CTNNA2: variants seen among roughly 807,000 people sequenced by gnomAD.
The protein encoded by CTNNA2 is catenin alpha-2.
CTNNA2 carries 42 observed loss-of-function variants against 101.0 expected under a neutral mutation model. That is an observed-to-expected ratio of 0.42 (90% confidence interval 0.32 to 0.54). The LOEUF (loss-of-function observed/expected upper bound fraction) is 0.54, where lower values mean the gene tolerates loss of function less well. CTNNA2 is among the 20% of genes least tolerant of loss of function. The pLI is 0.14. For synonymous variants in CTNNA2, 450 were observed against 456.4 expected, an observed-to-expected ratio of 0.99 and a Z score of 0.18; for missense variants, 871 against 1,223.1, an observed-to-expected ratio of 0.71 and a Z score of 4.29.
At chr2:79,192,832 C>T (rs1673892972) in intron 1 of CTNNA2, among the ~76,000 whole-genome samples, 1 of 151,694 alleles carries the variant, frequency 6.6e-6, no homozygotes, top group Non-Finnish European at 1.5e-5. Flanking sequence ...TTTCAATTTT[C>T]AAAAGAGTAT....
chr2:79,541,784 G>T (rs1016162308), intron 1 of CTNNA2, among the ~76,000 whole-genome samples: 4 of 151,748 alleles, frequency 2.6e-5, no homozygotes, highest in Non-Finnish European at 5.9e-5. Flanking sequence ...GCGCCACCAC[G>T]CCCAACTAAT....
intron 7 of CTNNA2, among the ~76,000 whole-genome samples, chr2:80,157,911 C>G (rs1704081458): frequency 6.6e-6 from 1 of 152,118 alleles, no homozygotes; most frequent in African/African-American, 2.4e-5. Context: ...AGCATACAGA[C>G]TGGCAGGAAA....
intron 7 of CTNNA2, among the ~76,000 whole-genome samples, chr2:80,272,562 C>T (rs998269142): frequency 6.6e-6 from 1 of 152,160 alleles, no homozygotes; most frequent in Non-Finnish European, 1.5e-5. Flanking sequence ...ACAGGGAAAA[C>T]TACATTCTCT....
At chr2:79,352,012 A>C (rs1193764139) in intron 3 of CTNNA2, among the ~76,000 whole-genome samples, 1 of 152,228 alleles carries the variant, frequency 6.6e-6, no homozygotes, top group Admixed American at 6.5e-5. Context: ...TGCTTCCCAC[A>C]GTGGCTGAAC....
intron 3 of CTNNA2, among the ~76,000 whole-genome samples, chr2:79,342,992 T>C (rs993220434): frequency 6.6e-6 from 1 of 152,238 alleles, no homozygotes; most frequent in African/African-American, 2.4e-5. Flanking sequence ...TTTGGCAAGA[T>C]GTATCTTAAA....
intron 9 of CTNNA2, among the ~76,000 whole-genome samples, chr2:80,430,154 A>G (rs1311982790): frequency 6.6e-6 from 1 of 152,206 alleles, no homozygotes. Flanking sequence ...TTAGATAAAA[A>G]CTAACCATAC....
At chr2:79,928,038 C>T (rs1421953488) in intron 7 of CTNNA2, among the ~76,000 whole-genome samples, 1 of 152,106 alleles carries the variant, frequency 6.6e-6, no homozygotes, top group Admixed American at 6.5e-5. Flanking sequence ...ATAGAAGATA[C>T]TCATGTTTAC....
At chr2:79,513,521 C>T (rs183143875) in intron 1 of CTNNA2, among the ~76,000 whole-genome samples, 3 of 152,244 alleles carry the variant, frequency 2.0e-5, no homozygotes, top group Admixed American at 2.0e-4. Flanking sequence ...TACCTCTTCC[C>T]CGGTGGGAGG....
chr2:80,271,859 A>G (rs532648645), intron 7 of CTNNA2, among the ~76,000 whole-genome samples: 1 of 152,364 alleles, frequency 6.6e-6, no homozygotes, highest in East Asian at 1.9e-4. Flanking sequence ...TATAAGGATC[A>G]TATTAAAACA....
chr2:80,350,012 A>G (rs750886540), intron 7 of CTNNA2, among the ~76,000 whole-genome samples: 10 of 152,340 alleles, frequency 6.6e-5, no homozygotes, highest in Non-Finnish European at 1.3e-4. Flanking sequence ...AACAGCAACA[A>G]TAAATTCTAG....
chr2:80,578,009 T>C (rs1695207075), intron 13 of CTNNA2, among the ~76,000 whole-genome samples: 1 of 152,214 alleles, frequency 6.6e-6, no homozygotes, highest in African/African-American at 2.4e-5. Flanking sequence ...CAATACTTTC[T>C]CACTTTGTTT....
chr2:80,576,786 T>TA (rs1558606620), intron 13 of CTNNA2, among the ~76,000 whole-genome samples: 1,294 of 112,096 alleles, frequency 0.012, 64 homozygotes, highest in African/African-American at 0.039. Context: ...CTGTCTCTAC[T>TA]GAAAAAAAAA....
chr2:79,381,287 A>G (rs1678036585), intron 4 of CTNNA2, among the ~76,000 whole-genome samples: 1 of 152,166 alleles, frequency 6.6e-6, no homozygotes, highest in South Asian at 2.1e-4. Context: ...ACTCACGTAA[A>G]TTAATAATAA....
At chr2:79,565,217 G>A (rs1368903996) in intron 1 of CTNNA2, among the ~76,000 whole-genome samples, 1 of 149,214 alleles carries the variant, frequency 6.7e-6, no homozygotes, top group Non-Finnish European at 1.5e-5. Flanking sequence ...ACCCTTTGAA[G>A]GGTGAGAAAA....
intron 4 of CTNNA2, among the ~76,000 whole-genome samples, chr2:79,428,462 T>A (rs970093686): frequency 6.6e-6 from 1 of 152,080 alleles, no homozygotes; most frequent in African/African-American, 2.4e-5. Context: ...CAGAAAGTGC[T>A]TGACAGGATG....
chr2:80,528,291 G>A (rs1400421101), intron 9 of CTNNA2, among the ~76,000 whole-genome samples: 1 of 152,118 alleles, frequency 6.6e-6, no homozygotes, highest in Non-Finnish European at 1.5e-5. Context: ...TGCCTCCTGG[G>A]GTTCAAGCAA....
At chr2:79,853,705 G>T (rs1234924528) in intron 3 of CTNNA2, among the ~76,000 whole-genome samples, 13 of 121,698 alleles carry the variant, frequency 1.1e-4, no homozygotes, top group South Asian at 2.6e-4. Context: ...TTTCACTCTT[G>T]TTGCCCATGT....
chr2:79,764,833 C>G (rs1043701580), intron 3 of CTNNA2, among the ~76,000 whole-genome samples: 1 of 152,144 alleles, frequency 6.6e-6, no homozygotes, highest in African/African-American at 2.4e-5. Flanking sequence ...AGGGCATGAG[C>G]TGACCACTCT....
chr2:80,557,385 T>TC (rs1028255836), intron 12 of CTNNA2, among the ~76,000 whole-genome samples: 4 of 152,202 alleles, frequency 2.6e-5, no homozygotes, highest in African/African-American at 9.7e-5. Flanking sequence ...AAGGACTTTT[T>TC]CATTAGTAAC....
Sources: gnomAD v4.1 joint callset for allele counts (sites outside exome capture counted in the v4.1 genomes callset) on GRCh38, gnomAD v4.1.1 for gene constraint, MANE v1.5 for transcripts, NCBI Gene and HGNC (gene_info 2026-07-23, HGNC 2026-07-21) for gene names.